MDM2: variants seen among roughly 807,000 people sequenced by gnomAD.
MDM2 encodes the protein E3 ubiquitin-protein ligase Mdm2.
In MDM2, 11 loss-of-function variants were observed where a neutral mutation model predicts 64.3. The observed-to-expected ratio is 0.17, with a 90% CI of 0.11 to 0.28. The LOEUF is 0.28. Ranked by LOEUF, MDM2 falls within the 10% of genes least tolerant of loss-of-function variation. The probability of loss-of-function intolerance (pLI) is 1.00; values close to 1 mark genes in which losing one functional copy is unlikely to be tolerated. For synonymous variants in MDM2, 194 were observed against 192.9 expected (o/e 1.01, Z -0.05); for missense variants, 388 against 577.1 (o/e 0.67, Z 3.36).
At chr12:68,809,017 T>C in intron 1 of MDM2, 191 bp from the exon 2 acceptor site, 1 of 1,474,464 alleles carries the variant, frequency 6.8e-7, no homozygotes, top group Non-Finnish European at 8.9e-7. Context: ...TTTTCCCAGC[T>C]GTGTTCAGTG....
At chr12:68,849,897 G>C (rs1019066119), downstream of MDM2, 4 of 152,344 alleles carry the variant, frequency 2.6e-5, no homozygotes, top group Admixed American at 1.3e-4. Context: ...ACAGATGTGA[G>C]TCACTACGCT....
At chr12:68,817,847 G>T (rs1197422948) in intron 4 of MDM2, among the ~76,000 whole-genome samples, 1 of 151,998 alleles carries the variant, frequency 6.6e-6, no homozygotes, top group African/African-American at 2.4e-5. Flanking sequence ...GCCCAGGCTG[G>T]AGTGCAGTGG....
rs1884043619 is a variant in MDM2, at chr12:68,844,004, G to A, written c.*4155G>A. Reference sequence around the variant, plus strand: ...AGCAGAATCTGTTTTTTTCTGAGGAGTATCGGTAGCATAAATGTGATTATA... The same window carrying A: ...AGCAGAATCTGTTTTTTTCTGAGGAATATCGGTAGCATAAATGTGATTATA... On this transcript the variant is annotated 3_prime_UTR_variant, in exon 11 of 11. Coordinates refer to ENST00000258149, the MANE Select transcript of MDM2 (RefSeq NM_002392.6). 1 of 207,392 alleles carries A rather than the reference G, an allele frequency of 4.8e-6. No homozygotes were observed. Among genetic ancestry groups the A allele is most frequent in the Admixed American group, 5.9e-5 (1 of 16,856 alleles). 12.8% of individuals were successfully genotyped at this position (207,392 alleles called of 1,614,324 possible).
At chr12:68,831,526 G>C (rs1882796326) in intron 8 of MDM2, among the ~76,000 whole-genome samples, 1 of 152,174 alleles carries the variant, frequency 6.6e-6, no homozygotes, top group South Asian at 2.1e-4. Flanking sequence ...AGGGCAAGAG[G>C]ACAACGGTGG....
intron 1 of MDM2, among the ~76,000 whole-genome samples, 187 bp downstream of exon 1, chr12:68,808,678 C>A (rs1413357006): frequency 6.7e-6 from 1 of 149,854 alleles, no homozygotes; most frequent in Non-Finnish European, 1.5e-5. Flanking sequence ...GCTAGGCAGT[C>A]GCCGCCAGGG....
intron 9 of MDM2, among the ~76,000 whole-genome samples, chr12:68,836,223 A>C (rs1428945149): frequency 1.3e-5 from 2 of 152,166 alleles, no homozygotes; most frequent in Admixed American, 6.5e-5. Context: ...GAACATGCTT[A>C]TTATAATGGT....
rs971170553 is a variant in MDM2 at position 68,810,663 on chromosome 12, A to T, written c.99+1371A>T. Among the ~76,000 whole-genome samples the T allele has an allele frequency of 2.0e-5, 3 of 151,906 alleles. No individual in the cohort carries two copies. In the South Asian group the frequency reaches 6.2e-4, roughly 32 times the overall value. ...TTTTTAGTAGAGACGGGGTTTCACC[A>T]TGTTAGCCAGGATGATCTTGATCCC... On this transcript the variant is annotated intron_variant, in intron 2 of 10. Coordinates refer to ENST00000258149, the MANE Select transcript of MDM2 (RefSeq NM_002392.6).
intron 8 of MDM2, among the ~76,000 whole-genome samples, chr12:68,832,691 T>C (rs968717709): frequency 1.3e-5 from 2 of 149,570 alleles, no homozygotes; most frequent in African/African-American, 4.9e-5. Flanking sequence ...TTTTTTTACT[T>C]TTTTTTTTTC....
intron 6 of MDM2, 54 bp downstream of exon 6, chr12:68,824,484 G>C: frequency 1.3e-6 from 2 of 1,597,282 alleles, no homozygotes; most frequent in Non-Finnish European, 1.7e-6. Context: ...AATTGGAAAG[G>C]TTATTTACAA....
intron 5 of MDM2, among the ~76,000 whole-genome samples, chr12:68,821,091 A>G (rs572484209): frequency 7.5e-6 from 1 of 132,818 alleles, no homozygotes; most frequent in South Asian, 2.4e-4. Flanking sequence ...TCTGTCACTC[A>G]GGCTGGAGTG....
chr12:68,839,795 C>T lies in MDM2; in HGVS notation c.1440C>T (p.Pro480=). 1.2e-6 allele frequency: 2 copies of T among 1,614,118 alleles called. No individual in the cohort carries two copies. The highest frequency in any genetic ancestry group is 1.7e-6 in the Non-Finnish European group (2 of 1,180,002). The change falls in exon 11 of 11, where the codon CCC becomes CCT. Residue 480 remains proline, a synonymous_variant. Coordinates refer to ENST00000258149, the MANE Select transcript of MDM2 (RefSeq NM_002392.6). The stretch of plus-strand genomic sequence containing the variant: ...AGAAGCTAAAGAAAAGGAATAAGCC[C>T]TGCCCAGTATGTAGACAACCAATTC... ...CAKKLKKRNK[P]CPVCRQPIQM...
chr12:68,833,149 AATATAT>A (rs57734852), intron 8 of MDM2, among the ~76,000 whole-genome samples: 9 of 65,960 alleles, frequency 1.4e-4, no homozygotes, highest in African/African-American at 3.1e-4. Flanking sequence ...AAAAAAAAAA[AATATAT>A]ATATATATAT....
Position 68,842,923 on chromosome 12 carries a change from G to T in MDM2, c.*3074G>T, listed in dbSNP as rs946807109. The T allele has an allele frequency of 4.8e-6, 1 of 209,272 alleles. No individual in the cohort carries two copies. The highest frequency in any genetic ancestry group is 5.9e-5 in the Admixed American group (1 of 16,982). The allele number at this position is 209,272 out of a possible 1,614,324, so 13.0% of individuals were successfully genotyped here. On this transcript the variant is annotated 3_prime_UTR_variant, in exon 11 of 11. Coordinates refer to ENST00000258149, the MANE Select transcript of MDM2 (RefSeq NM_002392.6). ...TTAATTGTTCTGACAGATAGTTGGGGATGAGAGCCGAATAAGGTTTGCCTG... is the reference window on the plus strand; with the variant it reads ...TTAATTGTTCTGACAGATAGTTGGGTATGAGAGCCGAATAAGGTTTGCCTG...
In MDM2 at chr12:68,845,460, C is replaced by A. The variant is rs1884215776; in HGVS notation, c.*5611C>A. ...TGGGAGGCGTGTTCAGTAACTTATTCATAATGCATCTGAAATGATTGCTGT... is the reference window on the plus strand; with the variant it reads ...TGGGAGGCGTGTTCAGTAACTTATTAATAATGCATCTGAAATGATTGCTGT... On this transcript the variant is annotated 3_prime_UTR_variant, in exon 11 of 11. Coordinates refer to ENST00000258149, the MANE Select transcript of MDM2 (RefSeq NM_002392.6). The A allele has an allele frequency of 4.8e-6, 1 of 207,302 alleles. No homozygotes were observed. Among genetic ancestry groups the A allele is most frequent in the Non-Finnish European group, 9.8e-6 (1 of 101,806 alleles). The allele number at this position is 207,302 out of a possible 1,614,324, so 12.8% of individuals were successfully genotyped here.
At chr12:68,818,545 A>G (rs944971119) in intron 4 of MDM2, among the ~76,000 whole-genome samples, 7 of 146,298 alleles carry the variant, frequency 4.8e-5, no homozygotes, top group Non-Finnish European at 8.9e-5. Context: ...TAATTTGTAT[A>G]TTATATATTA....
At position 68,845,365 on chromosome 12, in the gene MDM2, T is replaced by A; in HGVS notation, c.*5516T>A. The stretch of plus-strand genomic sequence containing the variant: ...TCTGAAAGCACCAGCACTTGGAAGG[T>A]GTTCAGAAGTAACAAATTATAAAAT... On this transcript the variant is annotated 3_prime_UTR_variant, in exon 11 of 11. Transcript: ENST00000258149. 1 of 211,712 alleles carries A rather than the reference T, an allele frequency of 4.7e-6. No homozygotes were observed. Among genetic ancestry groups the A allele is most frequent in the Non-Finnish European group, 9.6e-6 (1 of 104,614 alleles). 13.1% of individuals were successfully genotyped at this position (211,712 alleles called of 1,614,324 possible). A position where few individuals can be genotyped will look rare whatever the true frequency, so the allele number is the denominator to read the frequency against.
rs183568196 is a variant in MDM2, at chr12:68,832,922, C to G, written c.685-2907C>G. ...CGGGCGGATCACAAGGTCAGGAGATCGAGACCATCCTGGCTAACACGGCGA... is the reference window on the plus strand; with the variant it reads ...CGGGCGGATCACAAGGTCAGGAGATGGAGACCATCCTGGCTAACACGGCGA... On this transcript the variant is annotated intron_variant, in intron 8 of 10. Coordinates refer to ENST00000258149, the MANE Select transcript of MDM2 (RefSeq NM_002392.6). Among the ~76,000 whole-genome samples the G allele has an allele frequency of 2.9e-3, 430 of 150,742 alleles. 3 individuals are homozygous for G. Among genetic ancestry groups the G allele is most frequent in the African/African-American group, 9.7e-3 (400 of 41,080 alleles).
Position 68,825,680 on chromosome 12 carries a change from A to G in MDM2, c.523+1029A>G, listed in dbSNP as rs3730579. On this transcript the variant is annotated intron_variant, in intron 7 of 10. Transcript: ENST00000258149. ...AAGAGAGAGAGAGAAAATAGTTGAC[A>G]GAGAGAAAATAGTTGAGAACAGTTA... 6.5e-3 allele frequency among the ~76,000 whole-genome samples: 997 copies of G among 152,310 alleles called. 14 individuals carry two copies. The highest frequency in any genetic ancestry group is 0.023 in the African/African-American group (955 of 41,580).
rs1883673739 is a variant in MDM2 at position 68,840,503 on chromosome 12, T to A, written c.*654T>A. The A allele has an allele frequency of 5.4e-6, 1 of 186,762 alleles. No homozygotes were observed. Among genetic ancestry groups the A allele is most frequent in the South Asian group, 2.0e-4 (1 of 5,058 alleles). The allele number at this position is 186,762 out of a possible 1,614,324, so 11.6% of individuals were successfully genotyped here. ...AATGTGTGAAAGATTTAGTTTTTTG[T>A]TTTTTTGTTTGTTTGTTTGTTTGTT... On this transcript the variant is annotated 3_prime_UTR_variant, in exon 11 of 11. Transcript: ENST00000258149.
Sources: gnomAD v4.1 joint callset for allele counts (sites outside exome capture counted in the v4.1 genomes callset) on GRCh38, gnomAD v4.1.1 for gene constraint, MANE v1.5 for transcripts, NCBI Gene and HGNC (gene_info 2026-07-23, HGNC 2026-07-21) for gene names.